Variants in SNRPN observed in about 807,000 individuals in gnomAD.
SNRPN encodes the protein small nuclear ribonucleoprotein-associated protein N.
A neutral mutation model predicts 25.2 loss-of-function variants in SNRPN; 7 were observed. The ratio of observed to expected loss-of-function variants is 0.28; its 90% CI spans 0.16 to 0.52. The LOEUF is 0.52. Among genes scored for constraint, SNRPN ranks in the 20% least tolerant of loss-of-function variants. SNRPN has a pLI of 0.96. For synonymous variants in SNRPN, 124 were observed against 110.6 expected, an observed-to-expected ratio of 1.12 and a Z score of -0.76; for missense variants, 196 against 322.5, an observed-to-expected ratio of 0.61 and a Z score of 3.00.
At chr15:24,868,922 A>C (rs1436005134) in intron 1 of SNRPN, among the ~76,000 whole-genome samples, 1 of 152,182 alleles carries the variant, frequency 6.6e-6, no homozygotes, top group African/African-American at 2.4e-5. Flanking sequence ...GGATCACTTG[A>C]GGCCAGGAGT....
chr15:24,963,485 C>T (rs757840578), intron 2 of SNRPN, among the ~76,000 whole-genome samples: 1 of 151,758 alleles, frequency 6.6e-6, no homozygotes, highest in Admixed American at 6.6e-5. Flanking sequence ...TGTGGTGGCA[C>T]GTGCCTGTAA....
chr15:24,919,856 T>C (rs1433195063), intron 2 of SNRPN, among the ~76,000 whole-genome samples: 1 of 152,176 alleles, frequency 6.6e-6, no homozygotes, highest in East Asian at 1.9e-4. Flanking sequence ...TTTGTCAGTG[T>C]ACAGAACGCT....
At chr15:24,962,487 T>C (rs1404006681) in intron 2 of SNRPN, among the ~76,000 whole-genome samples, 2 of 152,230 alleles carry the variant, frequency 1.3e-5, no homozygotes, top group Non-Finnish European at 2.9e-5. Context: ...ATAAGCATAC[T>C]TAAATTTTTC....
chr15:24,849,480 A>G (rs2145421055), intron 2 of SNRPN: 1 of 152,424 alleles, frequency 6.6e-6, no homozygotes, highest in South Asian at 2.1e-4. Context: ...AATAAACGGG[A>G]CACAGGTCAG....
intron 2 of SNRPN, among the ~76,000 whole-genome samples, chr15:24,834,528 A>G (rs2050842188): frequency 6.6e-6 from 1 of 151,858 alleles, no homozygotes; most frequent in East Asian, 1.9e-4. Flanking sequence ...AAAATAAGTC[A>G]TTTGCCAGCC....
intron 2 of SNRPN, chr15:24,851,374 A>T (rs1874094739): frequency 6.6e-6 from 1 of 152,238 alleles, no homozygotes; most frequent in Admixed American, 6.5e-5. Flanking sequence ...CTGAAATGGA[A>T]TGGACAAGGA....
chr15:24,968,860 G>C (rs897491588), intron 3 of SNRPN: 1 of 151,870 alleles, frequency 6.6e-6, no homozygotes, highest in Non-Finnish European at 1.5e-5. Flanking sequence ...TTCTTTTTAT[G>C]TTGCTTTCAT....
intron 3 of SNRPN, among the ~76,000 whole-genome samples, chr15:24,948,872 A>G (rs913354267): frequency 3.3e-5 from 5 of 152,074 alleles, no homozygotes; most frequent in Admixed American, 3.3e-4. Flanking sequence ...TAGATAACCT[A>G]CTAATTCCAC....
At chr15:24,900,857 T>A (rs7173262) in intron 2 of SNRPN, among the ~76,000 whole-genome samples, 1 of 152,008 alleles carries the variant, frequency 6.6e-6, no homozygotes, top group African/African-American at 2.4e-5. Context: ...GCACTTTGGA[T>A]GCCAAGGCAG....
intron 1 of SNRPN, among the ~76,000 whole-genome samples, chr15:24,867,750 T>C (rs2054718821): frequency 3.3e-5 from 5 of 152,126 alleles, no homozygotes; most frequent in Admixed American, 2.0e-4. Flanking sequence ...GTCTTTTCAT[T>C]GGTGGTTTTG....
At chr15:24,917,997 C>A (rs1032365984) in intron 2 of SNRPN, among the ~76,000 whole-genome samples, 1 of 152,084 alleles carries the variant, frequency 6.6e-6, no homozygotes, top group Admixed American at 6.6e-5. Context: ...CATTTATGGG[C>A]AAATTTGTTC....
At chr15:24,955,198 AC>A in intron 1 of SNRPN, 136 bp downstream of exon 1, 2 of 1,209,856 alleles carry the variant, frequency 1.7e-6, no homozygotes, top group Non-Finnish European at 2.4e-6. Flanking sequence ...GTTCTGGAGA[AC>A]CAGATCCGGA....
chr15:24,949,973 C>T (rs568873833), upstream of SNRPN, among the ~76,000 whole-genome samples: 5 of 151,724 alleles, frequency 3.3e-5, no homozygotes, highest in South Asian at 1.0e-3. Flanking sequence ...TAGAGGTGCA[C>T]ACCACTATGC....
Position 24,955,603 on chromosome 15 carries a change from T to TG in SNRPN, c.-391+549dup, listed in dbSNP as rs372025670. 3.9e-3 allele frequency among the ~76,000 whole-genome samples: 340 copies of TG among 87,528 alleles called. 2 individuals are homozygous for TG. The highest frequency in any genetic ancestry group is 0.018 in the Middle Eastern group (3 of 168). 57.4% of individuals were successfully genotyped at this position (87,528 alleles called of 152,430 possible). ...GGTGGAGCAGGGTACGTGGGGCGAC[T>TG]GGGGGGGGAATTCGTCGCAGTGACC... is the stretch of plus-strand genomic sequence containing the variant. On this transcript the variant is annotated intron_variant, in intron 1 of 9. Transcript: ENST00000390687.
At chr15:24,955,267 T>A (rs934098068) in intron 1 of SNRPN, among the ~76,000 whole-genome samples, 1 of 151,758 alleles carries the variant, frequency 6.6e-6, no homozygotes, top group Admixed American at 6.6e-5. Context: ...TCCGCTCGCA[T>A]TGGGGCGCGT....
intron 3 of SNRPN, among the ~76,000 whole-genome samples, chr15:24,949,702 G>T (rs2062117362): frequency 6.6e-6 from 1 of 152,086 alleles, no homozygotes; most frequent in Admixed American, 6.6e-5. Context: ...CTGTCTAGCT[G>T]CTTTCACTCA....
chr15:24,857,094 A>T (rs1023761164), intron 1 of SNRPN, among the ~76,000 whole-genome samples: 1 of 152,224 alleles, frequency 6.6e-6, no homozygotes, highest in African/African-American at 2.4e-5. Context: ...TCAGAATCGC[A>T]TGCTTTAATA....
At chr15:24,889,205 A>G (rs749533502) in intron 2 of SNRPN, among the ~76,000 whole-genome samples, 1 of 152,206 alleles carries the variant, frequency 6.6e-6, no homozygotes, top group Non-Finnish European at 1.5e-5. Context: ...GGCGTGAGCC[A>G]CCGTGCCCAG....
chr15:24,896,814 A>G (rs554029386), intron 2 of SNRPN, among the ~76,000 whole-genome samples: 16 of 152,320 alleles, frequency 1.1e-4, no homozygotes, highest in African/African-American at 3.6e-4. Context: ...CATGAATTCT[A>G]TAGCCATTGT....
Sources: gnomAD v4.1 joint callset for allele counts (sites outside exome capture counted in the v4.1 genomes callset) on GRCh38, gnomAD v4.1.1 for gene constraint, MANE v1.5 for transcripts, NCBI Gene and HGNC (gene_info 2026-07-23, HGNC 2026-07-21) for gene names.